The following NCS1 variants were observed in gnomAD, a reference collection of about 807,000 sequenced individuals.
NCS1 encodes neuronal calcium sensor 1.
Under a neutral mutation model 28.4 loss-of-function variants are expected in NCS1, and 6 were observed. The observed-to-expected ratio is 0.21, with a 90% CI of 0.12 to 0.42. NCS1 has a LOEUF of 0.42. Ranked by LOEUF, NCS1 falls within the 10% of genes least tolerant of loss-of-function variation. The pLI is 1.00. For missense variants in NCS1, 131 were observed against 241.4 expected (o/e 0.54, Z 3.03); for synonymous variants, 86 against 99.3 (o/e 0.87, Z 0.79).
intron 1 of NCS1, among the ~76,000 whole-genome samples, chr9:130,196,422 C>A (rs1270241515): frequency 6.6e-6 from 1 of 152,176 alleles, no homozygotes; most frequent in Non-Finnish European, 1.5e-5. Context: ...GGCGTCTTGA[C>A]CCTCACCCCT....
At chr9:130,212,451 G>T (rs935904377) in intron 2 of NCS1, among the ~76,000 whole-genome samples, 1 of 150,266 alleles carries the variant, frequency 6.7e-6, no homozygotes, top group African/African-American at 2.5e-5. Context: ...GCACGACAGC[G>T]ACCTGGCCCC....
chr9:130,198,209 A>T (rs922535117), intron 1 of NCS1, among the ~76,000 whole-genome samples: 2 of 152,154 alleles, frequency 1.3e-5, no homozygotes, highest in Non-Finnish European at 2.9e-5. Flanking sequence ...AGCCCTAGTC[A>T]TATGCCCTTC....
chr9:130,187,484 G>A (rs1029845915), intron 1 of NCS1, among the ~76,000 whole-genome samples: 8 of 152,104 alleles, frequency 5.3e-5, no homozygotes, highest in Non-Finnish European at 8.8e-5. Flanking sequence ...AGCAGCCCTC[G>A]CCACCCCTCC....
chr9:130,185,297 A>G (rs1375441267), intron 1 of NCS1, among the ~76,000 whole-genome samples: 4 of 152,222 alleles, frequency 2.6e-5, no homozygotes, highest in African/African-American at 9.7e-5. Flanking sequence ...CCTAGAACAG[A>G]GCCTGTGCAT....
chr9:130,196,480 TGTAAC>T (rs1832879667), intron 1 of NCS1, among the ~76,000 whole-genome samples: 1 of 152,230 alleles, frequency 6.6e-6, no homozygotes, highest in African/African-American at 2.4e-5. Context: ...GTCTCACGCC[TGTAAC>T]CCCAGCACTT....
chr9:130,188,718 T>C (rs560194221), intron 1 of NCS1, among the ~76,000 whole-genome samples: 1 of 146,306 alleles, frequency 6.8e-6, no homozygotes, highest in East Asian at 2.0e-4. Flanking sequence ...GCCTCTTTCC[T>C]TTGTTTTTCT....
At chr9:130,202,177 G>A (rs1157310373) in intron 2 of NCS1, among the ~76,000 whole-genome samples, 1 of 152,196 alleles carries the variant, frequency 6.6e-6, no homozygotes, top group Non-Finnish European at 1.5e-5. Flanking sequence ...GTTCAGTCTG[G>A]CCCTGTTGAC....
chr9:130,222,327 T>C (rs541992787), intron 4 of NCS1, among the ~76,000 whole-genome samples: 2 of 151,926 alleles, frequency 1.3e-5, no homozygotes, highest in African/African-American at 4.8e-5. Context: ...CTAATTTTTG[T>C]ATTTTTGTAG....
rs549124814 is a variant in NCS1, at chr9:130,191,078, A to G, written c.65-9880A>G. On this transcript the variant is annotated intron_variant, in intron 1 of 7. Transcript: ENST00000372398. The surrounding 1 kb of genome is among the most constrained non-coding windows in gnomAD (Gnocchi z 6.4). ...TCGGCACAGCATCTCCAGGGCGCCC[A>G]CCATGTGCTGGGCTCAGTGCTTGTG... Among the ~76,000 whole-genome samples, 1 of 152,092 alleles carries G rather than the reference A, an allele frequency of 6.6e-6. No homozygotes were observed. The highest frequency in any genetic ancestry group is 6.5e-5 in the Admixed American group (1 of 15,274).
At position 130,172,586 on chromosome 9, in the gene NCS1, G is replaced by T. The variant is rs1364443101; in HGVS notation, c.-78G>T. 19 of 773,294 alleles carry T rather than the reference G, an allele frequency of 2.5e-5. No individual in the cohort carries two copies. The highest frequency in any genetic ancestry group is 8.7e-5 in the East Asian group (1 of 11,440). 47.9% of individuals were successfully genotyped at this position (773,294 alleles called of 1,614,324 possible). A position where few individuals can be genotyped will look rare whatever the true frequency, so the allele number is the denominator to read the frequency against. On this transcript the variant is annotated 5_prime_UTR_variant, in exon 1 of 8. Coordinates refer to ENST00000372398, the MANE Select transcript of NCS1 (RefSeq NM_014286.4). ...CAGACAAAGGCGCGGCCCCGGCCCGGCCCGCCCGGCCCAGCCGCTCCTGCT... is the reference window on the plus strand; with the variant it reads ...CAGACAAAGGCGCGGCCCCGGCCCGTCCCGCCCGGCCCAGCCGCTCCTGCT...
At chr9:130,217,334 G>A (rs782544178) in intron 2 of NCS1, among the ~76,000 whole-genome samples, 6 of 152,230 alleles carry the variant, frequency 3.9e-5, no homozygotes, top group Admixed American at 2.0e-4. Flanking sequence ...AGACTGAGGG[G>A]CAGGGTGTGG....
intron 1 of NCS1, among the ~76,000 whole-genome samples, chr9:130,194,414 C>T (rs1366345690): frequency 2.5e-5 from 3 of 120,280 alleles, no homozygotes; most frequent in Admixed American, 9.0e-5. Context: ...GGGGGTGCGG[C>T]GAAGGCTAGG....
rs1471194908 is a variant in NCS1 at position 130,233,416 on chromosome 9, C to G, written c.*444C>G. ...GCCTGGGGACCTCAGAGAACTCTGC[C>G]TTGCCCTCGTCCCTCGTCCTTCGGC... is the stretch of plus-strand genomic sequence containing the variant. On this transcript the variant is annotated 3_prime_UTR_variant, in exon 8 of 8. Coordinates refer to ENST00000372398, the MANE Select transcript of NCS1 (RefSeq NM_014286.4). This position sits in a 1 kb window ranked among gnomAD's most constrained non-coding sequence, Gnocchi z 4.8. The G allele has an allele frequency of 6.6e-6, 1 of 152,542 alleles. No homozygotes were observed. Among genetic ancestry groups the G allele is most frequent in the Admixed American group, 6.5e-5 (1 of 15,276 alleles). The allele number at this position is 152,542 out of a possible 1,614,324, so 9.4% of individuals were successfully genotyped here.
At chr9:130,196,438 G>C (rs1225840276) in intron 1 of NCS1, among the ~76,000 whole-genome samples, 3 of 152,238 alleles carry the variant, frequency 2.0e-5, no homozygotes, top group Admixed American at 1.3e-4. Flanking sequence ...CCCCTGAATA[G>C]CTCAGAGCAT....
At chr9:130,225,087 G>C (rs547681838) in intron 6 of NCS1, among the ~76,000 whole-genome samples, 15 of 152,326 alleles carry the variant, frequency 9.8e-5, no homozygotes, top group African/African-American at 3.4e-4. Flanking sequence ...AGCTACTCGG[G>C]AGGCTGAAGT....
intron 1 of NCS1, among the ~76,000 whole-genome samples, chr9:130,193,101 G>A (rs77739040): frequency 1.3e-5 from 2 of 152,252 alleles, no homozygotes; most frequent in East Asian, 3.9e-4. Context: ...GGGTGTGTGC[G>A]GCCAGCGGTG....
chr9:130,179,532 G>A (rs1832626022), intron 1 of NCS1, among the ~76,000 whole-genome samples: 1 of 152,120 alleles, frequency 6.6e-6, no homozygotes, highest in South Asian at 2.1e-4. Flanking sequence ...AACCCAGAAC[G>A]GGGTTATGGA....
At chr9:130,227,681 A>G (rs1833435481) in intron 7 of NCS1, among the ~76,000 whole-genome samples, 1 of 152,214 alleles carries the variant, frequency 6.6e-6, no homozygotes, top group East Asian at 1.9e-4. Context: ...TTATAAGTGT[A>G]TCACCCATTT....
rs1380928978 is a variant in NCS1 at position 130,234,216 on chromosome 9, T to A, written c.*1244T>A. On this transcript the variant is annotated 3_prime_UTR_variant, in exon 8 of 8. Transcript: ENST00000372398. This position sits in a 1 kb window ranked among gnomAD's most constrained non-coding sequence, Gnocchi z 6.1. ...TCTGCCTTCCCTCCTTCCTATCTGC[T>A]TTTTCCAGTAAACTGCATGGTGTCC... 1 of 152,322 alleles carries A rather than the reference T, an allele frequency of 6.6e-6. No homozygotes were observed. The highest frequency in any genetic ancestry group is 1.5e-5 in the Non-Finnish European group (1 of 68,092). The allele number at this position is 152,322 out of a possible 1,614,324, so 9.4% of individuals were successfully genotyped here. A position where few individuals can be genotyped will look rare whatever the true frequency, so the allele number is the denominator to read the frequency against.
Sources: gnomAD v4.1 joint callset for allele counts (sites outside exome capture counted in the v4.1 genomes callset) on GRCh38, gnomAD v4.1.1 for gene constraint, Gnocchi (gnomAD v3.1) non-coding constraint, MANE v1.5 for transcripts, NCBI Gene and HGNC (gene_info 2026-07-23, HGNC 2026-07-21) for gene names.